The following ANKIB1 variants were observed in gnomAD, a reference collection of about 807,000 sequenced individuals.
ANKIB1 encodes ankyrin repeat and IBR domain-containing protein 1.
Under a neutral mutation model 122.1 loss-of-function variants are expected in ANKIB1, and 43 were observed. The observed-to-expected ratio is 0.35, with a 90% CI of 0.28 to 0.45. ANKIB1 has a LOEUF of 0.45. ANKIB1 is among the 20% of genes least tolerant of loss of function. The probability of loss-of-function intolerance (pLI) is 1.00; values close to 1 mark genes in which losing one functional copy is unlikely to be tolerated. For missense variants in ANKIB1, 992 were observed against 1,329.5 expected (o/e 0.75, Z 3.95); for synonymous variants, 390 against 442.0 (o/e 0.88, Z 1.48).
chr7:92,273,256 A>G (rs964008642), intron 1 of ANKIB1, among the ~76,000 whole-genome samples: 3 of 152,212 alleles, frequency 2.0e-5, no homozygotes, highest in African/African-American at 4.8e-5. Context: ...GGCATAAACA[A>G]TTAGAATGAT....
At chr7:92,258,363 A>T (rs1801490244) in intron 1 of ANKIB1, among the ~76,000 whole-genome samples, 1 of 152,246 alleles carries the variant, frequency 6.6e-6, no homozygotes, top group Admixed American at 6.5e-5. Context: ...AGAGGTTCTC[A>T]AAGTTAATGT....
At chr7:92,261,604 C>T (rs1437618963) in intron 1 of ANKIB1, among the ~76,000 whole-genome samples, 1 of 151,920 alleles carries the variant, frequency 6.6e-6, no homozygotes, top group African/African-American at 2.4e-5. Flanking sequence ...TTTTCATATT[C>T]TCCAAGAAAT....
chr7:92,373,075 T>C (rs189054282), intron 11 of ANKIB1, among the ~76,000 whole-genome samples: 375 of 152,264 alleles, frequency 2.5e-3, no homozygotes, highest in Middle Eastern at 0.017. Flanking sequence ...TTAATATAAA[T>C]GAATTGGCTT....
At chr7:92,375,638 A>G (rs1804362276) in intron 11 of ANKIB1, among the ~76,000 whole-genome samples, 1 of 152,192 alleles carries the variant, frequency 6.6e-6, no homozygotes. Flanking sequence ...TGAAGTTTTG[A>G]ACTCTTCAAA....
intron 4 of ANKIB1, among the ~76,000 whole-genome samples, chr7:92,320,608 T>C (rs1192406429): frequency 6.6e-6 from 1 of 152,120 alleles, no homozygotes; most frequent in African/African-American, 2.4e-5. Flanking sequence ...ATCCAAACAA[T>C]TGGGGAATCC....
intron 7 of ANKIB1, among the ~76,000 whole-genome samples, chr7:92,350,444 A>G (rs531578249): frequency 2.0e-5 from 3 of 152,338 alleles, no homozygotes; most frequent in Non-Finnish European, 4.4e-5. Context: ...GTATGTATAT[A>G]TGTGTATGCA....
chr7:92,395,784 C>T (rs1003497432), intron 17 of ANKIB1: 1 of 152,150 alleles, frequency 6.6e-6, no homozygotes, highest in Non-Finnish European at 1.5e-5. Flanking sequence ...GGTGATCTGC[C>T]TGCTTCGGCC....
At chr7:92,321,322 C>A (rs924910599) in intron 4 of ANKIB1, among the ~76,000 whole-genome samples, 2 of 152,084 alleles carry the variant, frequency 1.3e-5, no homozygotes, top group Non-Finnish European at 2.9e-5. Flanking sequence ...TGGCTAAAGT[C>A]ACCATTGTGT....
intron 5 of ANKIB1, among the ~76,000 whole-genome samples, chr7:92,339,569 A>G (rs1036138511): frequency 5.3e-5 from 8 of 152,154 alleles, no homozygotes; most frequent in Admixed American, 1.3e-4. Context: ...CGTTCAACAG[A>G]TTTCTATTGA....
chr7:92,367,326 G>A (rs966444612), intron 10 of ANKIB1, among the ~76,000 whole-genome samples: 1 of 152,106 alleles, frequency 6.6e-6, no homozygotes, highest in African/African-American at 2.4e-5. Flanking sequence ...GACCAGTAAT[G>A]GCCACTTATG....
At chr7:92,382,968 G>A (rs1804553373) in intron 11 of ANKIB1, among the ~76,000 whole-genome samples, 1 of 152,090 alleles carries the variant, frequency 6.6e-6, no homozygotes, top group Non-Finnish European at 1.5e-5. Flanking sequence ...TTTTTGAAAA[G>A]ATCAACAAAA....
chr7:92,330,889 A>T (rs1803157989), intron 5 of ANKIB1, among the ~76,000 whole-genome samples: 1 of 152,128 alleles, frequency 6.6e-6, no homozygotes, highest in African/African-American at 2.4e-5. Context: ...TTTAGCCCAT[A>T]ATAATGCTTA....
Position 92,390,018 on chromosome 7 carries a change from G to A in ANKIB1, c.1954G>A (p.Val652Met), listed in dbSNP as rs753767104. 3 of 1,606,816 alleles carry A rather than the reference G, an allele frequency of 1.9e-6. No homozygotes were observed. The highest frequency in any genetic ancestry group is 1.7e-6 in the Non-Finnish European group (2 of 1,177,678). Reference protein sequence around the residue: ...DTTFIEDAVHVLLKTRRILKC... With the variant: ...DTTFIEDAVHMLLKTRRILKC... The stretch of plus-strand genomic sequence containing the variant: ...CACTTTCATTGAAGATGCAGTTCAT[G>A]TGCTCTTAAAAACTCGGCGCATTCT... The change falls in exon 15 of 20, where the codon GTG becomes ATG. Residue 652 changes from valine (V) to methionine (M), a missense_variant. Val to Met is a conservative substitution (Grantham distance 21). Transcript: ENST00000265742.
At position 92,349,270 on chromosome 7, in the gene ANKIB1, A is replaced by G. The variant is rs116397232; in HGVS notation, c.1086-1680A>G. ...GAAGTGAGTGGGAAGAAAGGAAAGA[A>G]TGCTAAAGATACTGCTAGGTTTGAG... is the stretch of plus-strand genomic sequence containing the variant. On this transcript the variant is annotated intron_variant, in intron 7 of 19. Coordinates refer to ENST00000265742, the MANE Select transcript of ANKIB1 (RefSeq NM_019004.2). Among the ~76,000 whole-genome samples, 462 of 152,292 alleles carry G rather than the reference A, an allele frequency of 3.0e-3. 2 individuals are homozygous for G. The highest frequency in any genetic ancestry group is 0.011 in the African/African-American group (437 of 41,554).
At position 92,343,128 on chromosome 7, in the gene ANKIB1, G is replaced by A; in HGVS notation, c.892G>A (p.Ala298Thr). The A allele has an allele frequency of 6.2e-7, 1 of 1,613,896 alleles. No individual in the cohort carries two copies. Among genetic ancestry groups the A allele is most frequent in the Middle Eastern group, 1.6e-4 (1 of 6,062 alleles). The stretch of plus-strand genomic sequence containing the variant: ...AACTCCACCACCAAGTGGGTATAAT[G>A]CCTGGGACACGCTCCCATCTCCAAG... ...MPTPPPSGYN[A>T]WDTLPSPRTP... The change falls in exon 6 of 20, where the codon GCC becomes ACC. Residue 298 changes from alanine (A) to threonine (T), a missense_variant. By Grantham distance (58) the Ala-to-Thr change is moderately conservative. Transcript: ENST00000265742.
intron 1 of ANKIB1, among the ~76,000 whole-genome samples, chr7:92,250,737 C>T (rs947249642): frequency 6.6e-6 from 1 of 152,142 alleles, no homozygotes; most frequent in African/African-American, 2.4e-5. Flanking sequence ...TTATCATGCT[C>T]ATTATTGGTA....
At chr7:92,272,134 C>G (rs1473660711) in intron 1 of ANKIB1, among the ~76,000 whole-genome samples, 1 of 151,944 alleles carries the variant, frequency 6.6e-6, no homozygotes, top group African/African-American at 2.4e-5. Flanking sequence ...TACTTAATGC[C>G]ACTGAATTGT....
chr7:92,268,502 G>A lies in ANKIB1; in HGVS notation c.-91+21983G>A, dbSNP rs191895862. ...CTCCTTTTGGTGGAGGAGAGGACAGGCCCTCCACTCTGTCGCCCAGGCTGG... is the reference window on the plus strand; with the variant it reads ...CTCCTTTTGGTGGAGGAGAGGACAGACCCTCCACTCTGTCGCCCAGGCTGG... On this transcript the variant is annotated intron_variant, in intron 1 of 19. Transcript: ENST00000265742. 6.6e-5 allele frequency among the ~76,000 whole-genome samples: 10 copies of A among 152,226 alleles called. No homozygotes were observed. In the East Asian group the frequency reaches 1.5e-3, roughly 24 times the overall value.
intron 5 of ANKIB1, among the ~76,000 whole-genome samples, chr7:92,338,611 A>T (rs1393028087): frequency 1.3e-5 from 2 of 151,854 alleles, no homozygotes; most frequent in Admixed American, 6.6e-5. Context: ...ATAGCTTTTT[A>T]AAAATATCTA....
Sources: gnomAD v4.1 joint callset for allele counts (sites outside exome capture counted in the v4.1 genomes callset) on GRCh38, gnomAD v4.1.1 for gene constraint, MANE v1.5 for transcripts, NCBI Gene and HGNC (gene_info 2026-07-23, HGNC 2026-07-21) for gene names.